The following NCOR2 variants were observed in gnomAD, a reference collection of about 807,000 sequenced individuals.
NCOR2 encodes nuclear receptor corepressor 2.
A neutral mutation model predicts 262.9 loss-of-function variants in NCOR2; 81 were observed. The observed-to-expected ratio is 0.31, with a 90% CI of 0.26 to 0.37. The LOEUF (loss-of-function observed/expected upper bound fraction) is 0.37. Ranked by LOEUF, NCOR2 falls within the 10% of genes least tolerant of loss-of-function variation. The probability of loss-of-function intolerance (pLI) is 1.00; values close to 1 mark genes in which losing one functional copy is unlikely to be tolerated. For missense variants in NCOR2, 3,385 were observed against 3,621.4 expected, an observed-to-expected ratio of 0.93 and a Z score of 1.68; for synonymous variants, 1,659 against 1,559.3, an observed-to-expected ratio of 1.06 and a Z score of -1.51.
Position 124,509,239 on chromosome 12 carries a change from G to GA in NCOR2, c.-117-13872_-117-13871insT, listed in dbSNP as rs1555234126. Among the ~76,000 whole-genome samples, 78 of 91,512 alleles carry GA rather than the reference G, an allele frequency of 8.5e-4. No individual in the cohort carries two copies. In the East Asian group the frequency reaches 9.3e-3, roughly 11 times the overall value. 60.0% of individuals were successfully genotyped at this position (91,512 alleles called of 152,430 possible). A position where few individuals can be genotyped will look rare whatever the true frequency, so the allele number is the denominator to read the frequency against. ...CCAAAGTGGCACTGGCTTTGGTGGG[G>GA]GGGGGGGGGGCTTAACTCTGAACTC... On this transcript the variant is annotated intron_variant, in intron 1 of 46. Transcript: ENST00000404621.
chr12:124,340,479 G>A (rs2036367655), intron 35 of NCOR2, 36 bp from the exon 38 acceptor site: 1 of 1,600,202 alleles, frequency 6.2e-7, no homozygotes. Context: ...CAGCCCCAGG[G>A]CCGAAGAAGA....
At chr12:124,429,964 G>C (rs1403048258) in intron 9 of NCOR2, among the ~76,000 whole-genome samples, 1 of 152,224 alleles carries the variant, frequency 6.6e-6, no homozygotes, top group East Asian at 1.9e-4. Flanking sequence ...CAGCTACAAA[G>C]ATCTGGGTTC....
Position 124,457,899 on chromosome 12 carries a change from A to C in NCOR2, c.706-737T>G, listed in dbSNP as rs2045966201. Among the ~76,000 whole-genome samples the C allele has an allele frequency of 6.6e-6, 1 of 152,100 alleles. No homozygotes were observed. Among genetic ancestry groups the C allele is most frequent in the African/African-American group, 2.4e-5 (1 of 41,424 alleles). On this transcript the variant is annotated intron_variant, in intron 5 of 46. Transcript: ENST00000405201. This position sits in a 1 kb window ranked among gnomAD's most constrained non-coding sequence, Gnocchi z 4.0. ...CAGGGTCCACTCACAGGAGGCCTGG[A>C]GGGCAGCCCAGGCCAGCCGGGTACA...
At chr12:124,447,239 ATGTT>A (rs749409076) in intron 7 of NCOR2, among the ~76,000 whole-genome samples, 1 of 152,238 alleles carries the variant, frequency 6.6e-6, no homozygotes, top group East Asian at 1.9e-4. Flanking sequence ...AAATAGAAAC[ATGTT>A]TGTTTGTGAT....
chr12:124,369,326 ATT>A (rs754856118), intron 20 of NCOR2, among the ~76,000 whole-genome samples: 6 of 152,096 alleles, frequency 3.9e-5, no homozygotes, highest in Non-Finnish European at 7.4e-5. Context: ...GGAGAATGTG[ATT>A]TTCTCTCTCC....
chr12:124,502,905 G>C (rs2048823330), intron 1 of NCOR2, among the ~76,000 whole-genome samples: 1 of 152,154 alleles, frequency 6.6e-6, no homozygotes, highest in Non-Finnish European at 1.5e-5. Flanking sequence ...TAGAGAAACG[G>C]GCCTCCACCC....
chr12:124,339,335 CT>C (rs1566363341), intron 37 of NCOR2, among the ~76,000 whole-genome samples: 1 of 138,288 alleles, frequency 7.2e-6, no homozygotes, highest in Non-Finnish European at 1.5e-5. Context: ...ATCCATCCAT[CT>C]GGCTAACTCA....
At chr12:124,381,010 G>C (rs2040372733) in intron 17 of NCOR2, among the ~76,000 whole-genome samples, 1 of 152,158 alleles carries the variant, frequency 6.6e-6, no homozygotes, top group South Asian at 2.1e-4. Context: ...AGCGGTTTCT[G>C]GTATTAATTT....
At chr12:124,401,968 C>T (rs1473425253) in intron 14 of NCOR2, among the ~76,000 whole-genome samples, 1 of 152,156 alleles carries the variant, frequency 6.6e-6, no homozygotes, top group African/African-American at 2.4e-5. Flanking sequence ...ACACTGCCAT[C>T]GATGATTCTA....
chr12:124,472,831 T>G, intron 4 of NCOR2, 121 bp downstream of exon 6: 1 of 1,360,930 alleles, frequency 7.3e-7, no homozygotes, highest in Non-Finnish European at 1.0e-6. Context: ...GTAAAGGGCA[T>G]AAAAACCAGT....
In NCOR2 at chr12:124,525,949, G is replaced by A. The variant is rs117414542; in HGVS notation, c.-118+9616C>T. Among the ~76,000 whole-genome samples, 743 of 152,302 alleles carry A rather than the reference G, an allele frequency of 4.9e-3. 6 individuals are homozygous for A. Among genetic ancestry groups the A allele is most frequent in the Non-Finnish European group, 8.8e-3 (600 of 68,028 alleles). On this transcript the variant is annotated intron_variant, in intron 1 of 46. Coordinates refer to the NCOR2 transcript ENST00000404621. ...ACATGCGTGTATGTATGGGGTGCAC[G>A]TTAGAAATTGTAGTTAATGTTAATA... is the stretch of plus-strand genomic sequence containing the variant.
At chr12:124,351,973 C>T (rs923820879) in intron 27 of NCOR2, among the ~76,000 whole-genome samples, 8 of 152,192 alleles carry the variant, frequency 5.3e-5, no homozygotes, top group Non-Finnish European at 1.2e-4. Flanking sequence ...CCTGGTACCC[C>T]GGGGAGTTCA....
At chr12:124,562,455 TC>T (rs374627344) in intron 1 of NCOR2, among the ~76,000 whole-genome samples, 133 of 152,310 alleles carry the variant, frequency 8.7e-4, no homozygotes, top group African/African-American at 3.1e-3. Context: ...CAAACCCTGC[TC>T]CTTTTTTCAG....
chr12:124,528,424 G>A (rs190872327), intron 1 of NCOR2, among the ~76,000 whole-genome samples: 1 of 152,196 alleles, frequency 6.6e-6, no homozygotes, highest in Non-Finnish European at 1.5e-5. Context: ...GGAAAAAGGA[G>A]AAGGAGGCCC....
chr12:124,452,034 C>T lies in NCOR2; in HGVS notation c.763-2167G>A, dbSNP rs142054972. Among the ~76,000 whole-genome samples the T allele has an allele frequency of 1.8e-3, 278 of 152,332 alleles. 1 individual carries two copies. Among genetic ancestry groups the T allele is most frequent in the African/African-American group, 6.3e-3 (260 of 41,568 alleles). On this transcript the variant is annotated intron_variant, in intron 6 of 46. Transcript: ENST00000405201. ...GACAGAGATGTCATCCTGCAGCTGC[C>T]ATGGGCCATTTCTCCCCGTGCCGGG...
At chr12:124,370,025 C>T (rs1468890975) in intron 20 of NCOR2, among the ~76,000 whole-genome samples, 5 of 152,302 alleles carry the variant, frequency 3.3e-5, no homozygotes, top group South Asian at 4.1e-4. Flanking sequence ...AGCGGTCCCC[C>T]GGCGAAGGCA....
intron 1 of NCOR2, among the ~76,000 whole-genome samples, chr12:124,491,423 C>T (rs2048076883): frequency 7.1e-6 from 1 of 141,518 alleles, no homozygotes; most frequent in Non-Finnish European, 1.5e-5. Flanking sequence ...AGGCCACTTG[C>T]CCCCTGTTTC....
chr12:124,383,266 C>A (rs2040545711), intron 17 of NCOR2: 2 of 186,464 alleles, frequency 1.1e-5, no homozygotes, highest in African/African-American at 4.7e-5. Context: ...CAAGGCCACA[C>A]AGCTAGTAGG....
rs143188966 is a variant in NCOR2, at chr12:124,362,677, C to T, written c.2929-380G>A. ...CCTGGTGGTGAACAGGGGGACCCAC[C>T]TCCCAGAACCTGGCCCAGCTGCCTG... On this transcript the variant is annotated intron_variant, in intron 21 of 46. Transcript: ENST00000405201. 8.4e-4 allele frequency among the ~76,000 whole-genome samples: 126 copies of T among 150,786 alleles called. No homozygotes were observed. The East Asian group carries it at 0.019, about 23-fold the overall frequency.
Sources: allele counts gnomAD v4.1 joint callset (sites outside exome capture counted in the v4.1 genomes callset), GRCh38; gene constraint gnomAD v4.1.1; non-coding constraint Gnocchi (gnomAD v3.1); transcripts MANE v1.5; gene names NCBI Gene and HGNC (gene_info 2026-07-23, HGNC 2026-07-21).